The following COG5 variants were observed in gnomAD, a reference collection of about 807,000 sequenced individuals.
COG5 encodes conserved oligomeric Golgi complex subunit 5.
COG5 carries 86 observed loss-of-function variants against 110.4 expected under a neutral mutation model. That is an observed-to-expected ratio of 0.78 (90% confidence interval 0.65 to 0.93). The LOEUF (loss-of-function observed/expected upper bound fraction) is 0.93, where lower values mean the gene tolerates loss of function less well. Among genes scored for constraint, COG5 ranks in the 40% least tolerant of loss-of-function variants. COG5 has a pLI of 0.00. For synonymous variants in COG5, 360 were observed against 334.6 expected (o/e 1.08, Z -0.83); for missense variants, 1,077 against 987.0 (o/e 1.09, Z -1.22).
intron 6 of COG5, among the ~76,000 whole-genome samples, chr7:107,459,132 C>T (rs965922558): frequency 9.9e-5 from 15 of 152,064 alleles, no homozygotes; most frequent in Middle Eastern, 6.8e-3. Flanking sequence ...TGCAAATACT[C>T]TGCACTCTAA....
chr7:107,520,266 A>G (rs1800231203), intron 6 of COG5, among the ~76,000 whole-genome samples: 1 of 152,166 alleles, frequency 6.6e-6, no homozygotes, highest in African/African-American at 2.4e-5. Context: ...CACCTCTCCT[A>G]TTCAACATAG....
chr7:107,280,439 C>T (rs1283842983), intron 14 of COG5, among the ~76,000 whole-genome samples: 1 of 151,976 alleles, frequency 6.6e-6, no homozygotes, highest in East Asian at 1.9e-4. Flanking sequence ...TATCACAGAA[C>T]AAACTGAAAC....
Position 107,324,483 on chromosome 7 carries a change from T to C in COG5, c.1065A>G (p.Ser355=), listed in dbSNP as rs1809590636. ...ATTGAGAAGAAAGTGCCTGAGTAAC[T>C]GAATTCCAAAATGTGTAGAAAATTT... The part of the protein sequence containing the change: ...QPEIFYTFWN[S]VTQALSSQFH... Residue 355 remains serine, a synonymous_variant, in exon 11 of 22, where the codon TCA becomes TCG. Coordinates refer to ENST00000297135, the MANE Select transcript of COG5 (RefSeq NM_006348.5). 3.7e-6 allele frequency: 6 copies of C among 1,606,516 alleles called. No homozygotes were observed. The highest frequency in any genetic ancestry group is 5.1e-6 in the Non-Finnish European group (6 of 1,175,940).
chr7:107,495,003 G>C (rs1162089928), intron 6 of COG5, among the ~76,000 whole-genome samples: 2 of 152,118 alleles, frequency 1.3e-5, no homozygotes, highest in East Asian at 3.9e-4. Context: ...ATGCGTGGCA[G>C]AGATCCAATG....
intron 6 of COG5, among the ~76,000 whole-genome samples, chr7:107,517,982 C>A (rs1800057565): frequency 6.6e-6 from 1 of 152,112 alleles, no homozygotes; most frequent in African/African-American, 2.4e-5. Flanking sequence ...AGGCATGAGT[C>A]ACTGCGCCTG....
chr7:107,384,399 C>T (rs748037879), intron 7 of COG5, among the ~76,000 whole-genome samples: 3 of 152,146 alleles, frequency 2.0e-5, no homozygotes, highest in South Asian at 2.1e-4. Context: ...GGAAGTTCAC[C>T]GCCTTTGCAG....
chr7:107,509,861 T>A (rs1283718512), intron 6 of COG5, among the ~76,000 whole-genome samples: 2 of 127,736 alleles, frequency 1.6e-5, no homozygotes, highest in Admixed American at 7.4e-5. Flanking sequence ...AGAGATTTTG[T>A]CACCACCAGG....
intron 14 of COG5, among the ~76,000 whole-genome samples, chr7:107,276,640 G>A (rs1011620583): frequency 6.6e-6 from 1 of 152,132 alleles, no homozygotes; most frequent in Non-Finnish European, 1.5e-5. Flanking sequence ...CCAACAGAGT[G>A]AGACCATCTC....
chr7:107,358,956 A>G (rs569645020), intron 10 of COG5, among the ~76,000 whole-genome samples: 2 of 152,190 alleles, frequency 1.3e-5, no homozygotes, highest in African/African-American at 4.8e-5. Flanking sequence ...TTTCATTGTC[A>G]CAAATCATAG....
intron 6 of COG5, among the ~76,000 whole-genome samples, chr7:107,423,333 C>A (rs1304496974): frequency 6.6e-6 from 1 of 152,076 alleles, no homozygotes; most frequent in African/African-American, 2.4e-5. Flanking sequence ...TAACTATGGA[C>A]CTCACAGACA....
At chr7:107,374,109 G>C (rs1199382805) in intron 7 of COG5, among the ~76,000 whole-genome samples, 1 of 151,964 alleles carries the variant, frequency 6.6e-6, no homozygotes, top group African/African-American at 2.4e-5. Context: ...ATTTAGTATG[G>C]TCATAATAGA....
At chr7:107,359,213 C>T (rs1429170156) in intron 10 of COG5, among the ~76,000 whole-genome samples, 1 of 152,204 alleles carries the variant, frequency 6.6e-6, no homozygotes, top group African/African-American at 2.4e-5. Flanking sequence ...GCTCCCACTG[C>T]CTGGCCTCTC....
chr7:107,356,602 TA>T (rs974342600), intron 10 of COG5, among the ~76,000 whole-genome samples: 9 of 151,518 alleles, frequency 5.9e-5, no homozygotes, highest in African/African-American at 1.9e-4. Flanking sequence ...AGCTTTTGAA[TA>T]AAAAAAAGAA....
At chr7:107,258,450 T>TCTCACA (rs142552893) in intron 14 of COG5, 67 bp from the exon 15 acceptor site, 97 of 704,066 alleles carry the variant, frequency 1.4e-4, no homozygotes, top group Middle Eastern at 2.5e-4. Flanking sequence ...TCTCTCTCTC[T>TCTCACA]CACACACACA....
chr7:107,243,285 G>T (rs1303558576), intron 17 of COG5, among the ~76,000 whole-genome samples: 1 of 151,826 alleles, frequency 6.6e-6, no homozygotes, highest in Admixed American at 6.6e-5. Flanking sequence ...AGGCCGAGAC[G>T]GGTGGATCAC....
chr7:107,373,725 C>T (rs926471451), intron 7 of COG5, among the ~76,000 whole-genome samples: 1 of 152,054 alleles, frequency 6.6e-6, no homozygotes, highest in Non-Finnish European at 1.5e-5. Context: ...GAACAAATTA[C>T]CAAGCTAGAA....
intron 11 of COG5, among the ~76,000 whole-genome samples, chr7:107,307,022 G>C: frequency 6.6e-6 from 1 of 152,114 alleles, no homozygotes; most frequent in East Asian, 1.9e-4. Flanking sequence ...GCTCTCTCAT[G>C]ATATAAAAAA....
intron 8 of COG5, among the ~76,000 whole-genome samples, chr7:107,363,196 T>C (rs1480815570): frequency 2.6e-5 from 4 of 152,152 alleles, no homozygotes; most frequent in African/African-American, 9.7e-5. Context: ...TCAATAGTAA[T>C]AAGTATATGT....
intron 6 of COG5, among the ~76,000 whole-genome samples, chr7:107,455,555 C>A (rs1795609362): frequency 6.6e-6 from 1 of 152,108 alleles, no homozygotes; most frequent in Non-Finnish European, 1.5e-5. Flanking sequence ...GAATATGTGA[C>A]ACAGACTATA....
Sources: allele counts gnomAD v4.1 joint callset (sites outside exome capture counted in the v4.1 genomes callset), GRCh38; gene constraint gnomAD v4.1.1; transcripts MANE v1.5; gene names NCBI Gene and HGNC (gene_info 2026-07-23, HGNC 2026-07-21).